The following TDRD12 variants were observed in gnomAD, a reference collection of about 807,000 sequenced individuals.
The protein encoded by TDRD12 is tudor domain containing 12, also known as putative ATP-dependent RNA helicase TDRD12.
In TDRD12, 158 loss-of-function variants were observed where a neutral mutation model predicts 133.5. The ratio of observed to expected loss-of-function variants is 1.18; its 90% CI spans 1.04 to 1.35. The LOEUF (loss-of-function observed/expected upper bound fraction) is 1.35. Ranked by LOEUF, TDRD12 falls within the 40% of genes most tolerant of loss-of-function variation. The pLI, the probability that TDRD12 is intolerant of heterozygous loss-of-function variation, is 0.00. For synonymous variants in TDRD12, 460 were observed against 477.9 expected (o/e 0.96, Z 0.49); for missense variants, 1,443 against 1,321.3 (o/e 1.09, Z -1.43).
chr19:32,747,943 A>T (rs934366077), intron 4 of TDRD12, among the ~76,000 whole-genome samples: 2 of 152,126 alleles, frequency 1.3e-5, no homozygotes, highest in Non-Finnish European at 2.9e-5. Context: ...TGAGCCCAGG[A>T]GTTCAAGGCT....
chr19:32,762,465 C>T (rs1334485961), intron 8 of TDRD12, among the ~76,000 whole-genome samples: 1 of 152,132 alleles, frequency 6.6e-6, no homozygotes, highest in African/African-American at 2.4e-5. Flanking sequence ...AGAAATCTTA[C>T]ATATTGTTTT....
intron 8 of TDRD12, among the ~76,000 whole-genome samples, chr19:32,772,263 G>T (rs1323977803): frequency 6.6e-6 from 1 of 152,102 alleles, no homozygotes; most frequent in African/African-American, 2.4e-5. Context: ...GTCATGGCTG[G>T]GCTTCAAATG....
At chr19:32,773,178 C>A (rs1970485431) in intron 9 of TDRD12, among the ~76,000 whole-genome samples, 2 of 152,186 alleles carry the variant, frequency 1.3e-5, no homozygotes, top group South Asian at 4.1e-4. Context: ...TGCTCTCCGT[C>A]CCTTTGACAA....
At chr19:32,815,806 C>T (rs1043285990) in intron 26 of TDRD12, among the ~76,000 whole-genome samples, 186 bp downstream of exon 26, 12 of 152,098 alleles carry the variant, frequency 7.9e-5, no homozygotes, top group East Asian at 3.9e-4. Flanking sequence ...CCATCCTGGC[C>T]AACATGGTGA....
At chr19:32,740,710 C>T (rs554484338) in intron 3 of TDRD12, among the ~76,000 whole-genome samples, 9 of 152,260 alleles carry the variant, frequency 5.9e-5, no homozygotes, top group South Asian at 4.2e-4. Context: ...TAGAGAGAAA[C>T]GCCTCTCTCC....
chr19:32,771,452 T>C (rs983756199), intron 8 of TDRD12, among the ~76,000 whole-genome samples: 1 of 152,346 alleles, frequency 6.6e-6, no homozygotes, highest in South Asian at 2.1e-4. Context: ...GCTGTTGCAC[T>C]TGGCCTGTTT....
chr19:32,779,772 G>A (rs1599575234), intron 11 of TDRD12, among the ~76,000 whole-genome samples: 1 of 152,136 alleles, frequency 6.6e-6, no homozygotes, highest in East Asian at 1.9e-4. Flanking sequence ...ATTTTCAGGA[G>A]GCTTTTGGAC....
chr19:32,746,965 T>C (rs12460200), intron 4 of TDRD12, among the ~76,000 whole-genome samples: 4,171 of 143,200 alleles, frequency 0.029, 231 homozygotes, highest in East Asian at 0.2. Flanking sequence ...AGAGACTGGC[T>C]GAGGTGGTTA....
At chr19:32,806,793 G>A (rs893935164) in intron 21 of TDRD12, among the ~76,000 whole-genome samples, 4 of 152,152 alleles carry the variant, frequency 2.6e-5, no homozygotes, top group African/African-American at 9.6e-5. Flanking sequence ...GAGTAGCTGG[G>A]ACTATAAGTA....
intron 4 of TDRD12, among the ~76,000 whole-genome samples, chr19:32,748,055 A>G (rs1366905962): frequency 6.6e-6 from 1 of 152,118 alleles, no homozygotes; most frequent in South Asian, 2.1e-4. Flanking sequence ...TGGCTCTCCC[A>G]TGACTGCCTG....
chr19:32,780,815 G>A (rs1219255544), intron 11 of TDRD12, among the ~76,000 whole-genome samples: 4 of 150,140 alleles, frequency 2.7e-5, no homozygotes, highest in Non-Finnish European at 4.4e-5. Context: ...TTTTAATGGG[G>A]TCTCACTGTG....
intron 21 of TDRD12, among the ~76,000 whole-genome samples, chr19:32,803,545 T>C (rs1198089575): frequency 6.6e-6 from 1 of 152,232 alleles, no homozygotes; most frequent in Non-Finnish European, 1.5e-5. Flanking sequence ...TATCAGGCTA[T>C]GATGTTTGAA....
At chr19:32,824,112 G>C (rs1967502891), downstream of TDRD12, 1 of 152,426 alleles carries the variant, frequency 6.6e-6, no homozygotes, top group South Asian at 2.1e-4. Flanking sequence ...CTCCTGCTCA[G>C]GTTCAGGCAG....
At chr19:32,772,925 ATCT>A in intron 9 of TDRD12, 75 bp downstream of exon 9, 1 of 768,460 alleles carries the variant, frequency 1.3e-6, no homozygotes, top group Middle Eastern at 3.4e-4. Context: ...TTTGAAATCT[ATCT>A]GAAACCAAAA....
chr19:32,807,914 A>G (rs1391471343), intron 22 of TDRD12, among the ~76,000 whole-genome samples: 1 of 152,068 alleles, frequency 6.6e-6, no homozygotes, highest in Admixed American at 6.6e-5. Flanking sequence ...AAATGTTTCT[A>G]TTTGGGGGCC....
At chr19:32,792,113 G>A (rs1971090968) in intron 13 of TDRD12, among the ~76,000 whole-genome samples, 1 of 152,056 alleles carries the variant, frequency 6.6e-6, no homozygotes. Flanking sequence ...AGGCATGGTG[G>A]TACATGCCTG....
chr19:32,744,618 A>G (rs958359829), intron 4 of TDRD12, among the ~76,000 whole-genome samples: 4 of 150,344 alleles, frequency 2.7e-5, no homozygotes, highest in South Asian at 2.1e-4. Flanking sequence ...CCCTTTTTCT[A>G]GTGTTTGACT....
chr19:32,740,259 C>G (rs1272921763), intron 3 of TDRD12, among the ~76,000 whole-genome samples: 1 of 64,722 alleles, frequency 1.5e-5, no homozygotes, highest in Non-Finnish European at 2.7e-5. Context: ...TCTCCTGGTG[C>G]TCTCTCTGCA....
chr19:32,752,790 CTTT>C (rs770183335), intron 6 of TDRD12, among the ~76,000 whole-genome samples: 2 of 130,116 alleles, frequency 1.5e-5, no homozygotes, highest in African/African-American at 2.9e-5. Context: ...CCACTTCTTC[CTTT>C]TTTTTTTTTT....
Sources: allele counts gnomAD v4.1 joint callset (sites outside exome capture counted in the v4.1 genomes callset), GRCh38; gene constraint gnomAD v4.1.1; transcripts MANE v1.5; gene names NCBI Gene and HGNC (gene_info 2026-07-23, HGNC 2026-07-21).